The following PFKFB3 variants were observed in gnomAD, a reference collection of about 807,000 sequenced individuals.
PFKFB3 encodes the protein 6-phosphofructo-2-kinase/fructose-2,6-biphosphatase 3.
Under a neutral mutation model 68.0 loss-of-function variants are expected in PFKFB3, and 33 were observed. That is an observed-to-expected ratio of 0.49 (90% confidence interval 0.37 to 0.65). PFKFB3 has a LOEUF of 0.65. Ranked by LOEUF, PFKFB3 falls within the 30% of genes least tolerant of loss-of-function variation. The pLI is 0.00. For missense variants in PFKFB3, 586 were observed against 712.2 expected, an observed-to-expected ratio of 0.82 and a Z score of 2.02; for synonymous variants, 315 against 288.2, an observed-to-expected ratio of 1.09 and a Z score of -0.94.
intron 1 of PFKFB3, among the ~76,000 whole-genome samples, chr10:6,196,668 C>G (rs1486871173): frequency 6.6e-6 from 1 of 152,130 alleles, no homozygotes; most frequent in African/African-American, 2.4e-5. Context: ...TTTGTTCGGG[C>G]CCTGCTGGCA....
Position 6,159,908 on chromosome 10 carries a change from G to A in PFKFB3, c.16+14895G>A, listed in dbSNP as rs556454604. Among the ~76,000 whole-genome samples the A allele has an allele frequency of 4.6e-5, 7 of 150,734 alleles. No homozygotes were observed. In the South Asian group the frequency reaches 1.5e-3, roughly 32 times the overall value. The stretch of plus-strand genomic sequence containing the variant: ...CCAGTTGCTATGACTTTAGGTGTGT[G>A]CCACCATGCCTGGCTATTGTTTTTT... On this transcript the variant is annotated intron_variant, in intron 1 of 14. Transcript: ENST00000379789.
At chr10:6,185,708 C>A (rs980052453) in intron 1 of PFKFB3, among the ~76,000 whole-genome samples, 1 of 136,620 alleles carries the variant, frequency 7.3e-6, no homozygotes, top group Non-Finnish European at 1.5e-5. Flanking sequence ...TGTGAGATTT[C>A]GGCTCACTGC....
intron 1 of PFKFB3, among the ~76,000 whole-genome samples, chr10:6,169,221 C>T (rs996065676): frequency 9.2e-5 from 14 of 152,210 alleles, no homozygotes; most frequent in African/African-American, 3.1e-4. Flanking sequence ...GGATTACAGG[C>T]GTGAGCCACC....
intron 1 of PFKFB3, among the ~76,000 whole-genome samples, chr10:6,185,657 TG>T (rs1842849626): frequency 6.7e-6 from 1 of 150,220 alleles, no homozygotes. Flanking sequence ...TTTTTTTTTT[TG>T]AGATGGAGTT....
intron 1 of PFKFB3, among the ~76,000 whole-genome samples, chr10:6,185,979 T>C (rs1199497300): frequency 6.6e-6 from 1 of 151,828 alleles, no homozygotes; most frequent in African/African-American, 2.4e-5. Flanking sequence ...CCTCTCCCAG[T>C]GGTATAAAGT....
upstream of PFKFB3, among the ~76,000 whole-genome samples, chr10:6,201,195 C>T (rs986287932): frequency 7.9e-5 from 12 of 152,068 alleles, no homozygotes; most frequent in Admixed American, 2.0e-4. This position sits in a 1 kb window ranked among gnomAD's most constrained non-coding sequence, Gnocchi z 4.1. Context: ...GTGGCGCGGG[C>T]GCTCGCTGCC....
chr10:6,326,393 G>A, the PFKFB3 span, among the ~76,000 whole-genome samples: 1,286 of 152,230 alleles, frequency 8.4e-3, 9 homozygotes, highest in South Asian at 0.023. Context: ...CATGGCACAC[G>A]TTTACCTATG....
chr10:6,200,668 G>GC (rs1564613442), upstream of PFKFB3, among the ~76,000 whole-genome samples: 1 of 135,652 alleles, frequency 7.4e-6, no homozygotes, highest in South Asian at 2.5e-4. Flanking sequence ...GCGGGGGGGG[G>GC]GGGGGGGCGG....
Position 6,185,578 on chromosome 10 carries a change from G to T in PFKFB3, c.17-28045G>T, listed in dbSNP as rs1380114152. Among the ~76,000 whole-genome samples the T allele has an allele frequency of 2.0e-5, 3 of 150,900 alleles. No individual in the cohort carries two copies. The East Asian group carries it at 5.8e-4, about 29-fold the overall frequency. ...GTGGTCCAGCCAGGGGCTCATCTGG[G>T]TCACTACCTGGCACTCAGGCCCTCA... On this transcript the variant is annotated intron_variant, in intron 1 of 14. Coordinates refer to the PFKFB3 transcript ENST00000379789.
chr10:6,172,107 T>C (rs2131746567), intron 1 of PFKFB3, among the ~76,000 whole-genome samples: 1 of 152,236 alleles, frequency 6.6e-6, no homozygotes, highest in East Asian at 1.9e-4. Context: ...CGGAACACCC[T>C]GGGGACTGCG....
At chr10:6,227,260 G>A (rs973040083) in intron 14 of PFKFB3, among the ~76,000 whole-genome samples, 4 of 152,134 alleles carry the variant, frequency 2.6e-5, no homozygotes, top group South Asian at 2.1e-4. Flanking sequence ...TATGTGAGAT[G>A]TAGGAATTTC....
chr10:6,218,906 G>A (rs1312660662), intron 6 of PFKFB3, among the ~76,000 whole-genome samples: 2 of 152,220 alleles, frequency 1.3e-5, no homozygotes, highest in African/African-American at 2.4e-5. Context: ...TCTCAGTGAC[G>A]GCAGTGGTTG....
chr10:6,258,365 A>C (rs1401555383), downstream of PFKFB3, among the ~76,000 whole-genome samples: 1 of 152,240 alleles, frequency 6.6e-6, no homozygotes, highest in East Asian at 1.9e-4. Flanking sequence ...ACAGGAACAA[A>C]AAAGACAGAA....
intron 10 of PFKFB3, among the ~76,000 whole-genome samples, chr10:6,222,348 G>C (rs1845023684): frequency 6.6e-6 from 1 of 152,332 alleles, no homozygotes; most frequent in East Asian, 1.9e-4. Flanking sequence ...TAAATTGATA[G>C]AAAATACACA....
intron 1 of PFKFB3, among the ~76,000 whole-genome samples, chr10:6,159,616 C>T (rs1295975149): frequency 6.7e-6 from 1 of 148,608 alleles, no homozygotes; most frequent in Non-Finnish European, 1.5e-5. Flanking sequence ...CGCTTGAACC[C>T]GGGAGGAGGA....
At chr10:6,199,658 A>ATTTTTTTTTTTTTTTTTTTTT (rs143309528), upstream of PFKFB3, among the ~76,000 whole-genome samples, 5 of 75,584 alleles carry the variant, frequency 6.6e-5, 1 homozygote, top group Admixed American at 1.9e-4. Context: ...CTATTTTTAA[A>ATTTTTTTTTTTTTTTTTTTTT]TTTTTTTTTT....
At position 6,209,684 on chromosome 10, in the gene PFKFB3, C is replaced by T. The variant is rs188649460; in HGVS notation, c.77-3939C>T. Among the ~76,000 whole-genome samples, 894 of 151,164 alleles carry T rather than the reference C, an allele frequency of 5.9e-3. 8 individuals carry two copies. The highest frequency in any genetic ancestry group is 0.019 in the African/African-American group (785 of 41,164). On this transcript the variant is annotated intron_variant, in intron 1 of 14. Transcript: ENST00000379775. ...TTTGCCATGTTGACCAGGCTGGTTT[C>T]GAACTCCTGACCTCAGGTGGTCTGC...
intron 14 of PFKFB3, among the ~76,000 whole-genome samples, chr10:6,246,471 C>T (rs977025279): frequency 7.3e-5 from 11 of 151,596 alleles, no homozygotes; most frequent in Non-Finnish European, 7.4e-5. Flanking sequence ...TCCTGCGTAG[C>T]TGGGACTGCA....
At chr10:6,297,464 T>C in the PFKFB3 span, among the ~76,000 whole-genome samples, 3 of 151,110 alleles carry the variant, frequency 2.0e-5, no homozygotes, top group African/African-American at 7.3e-5. Context: ...GGTAACAAAG[T>C]GCAGATGAGA....
Sources: gnomAD v4.1 joint callset for allele counts (sites outside exome capture counted in the v4.1 genomes callset) on GRCh38, gnomAD v4.1.1 for gene constraint, Gnocchi (gnomAD v3.1) non-coding constraint, MANE v1.5 for transcripts, NCBI Gene and HGNC (gene_info 2026-07-23, HGNC 2026-07-21) for gene names.